The following DYRK1A variants were observed in gnomAD, a reference collection of about 807,000 sequenced individuals.
DYRK1A encodes the protein dual specificity tyrosine-phosphorylation-regulated kinase 1A.
Under a neutral mutation model 79.7 loss-of-function variants are expected in DYRK1A, and 9 were observed. The observed-to-expected ratio is 0.11, with a 90% CI of 0.07 to 0.20. The LOEUF (loss-of-function observed/expected upper bound fraction) is 0.20. Ranked by LOEUF, DYRK1A falls within the 10% of genes least tolerant of loss-of-function variation. DYRK1A has a pLI of 1.00. For synonymous variants in DYRK1A, 349 were observed against 329.7 expected (o/e 1.06, Z -0.63); for missense variants, 622 against 956.0 (o/e 0.65, Z 4.61).
chr21:37,432,445 T>C (rs1172240738), intron 2 of DYRK1A, among the ~76,000 whole-genome samples: 1 of 152,222 alleles, frequency 6.6e-6, no homozygotes, highest in East Asian at 1.9e-4. Context: ...TTATGAAAGA[T>C]GTCCAGCAAA....
chr21:37,500,038 G>T (rs1049186012), intron 9 of DYRK1A, among the ~76,000 whole-genome samples: 4 of 152,260 alleles, frequency 2.6e-5, no homozygotes, highest in Non-Finnish European at 5.9e-5. Flanking sequence ...AGCATATTTG[G>T]GGGGGTCCTG....
intron 1 of DYRK1A, among the ~76,000 whole-genome samples, chr21:37,385,543 T>C (rs2049743443): frequency 6.6e-6 from 1 of 152,214 alleles, no homozygotes; most frequent in Non-Finnish European, 1.5e-5. Context: ...GTCATAACCA[T>C]GGACATGCCA....
intron 2 of DYRK1A, among the ~76,000 whole-genome samples, chr21:37,448,175 C>A (rs1030019929): frequency 6.6e-6 from 1 of 152,100 alleles, no homozygotes; most frequent in Non-Finnish European, 1.5e-5. Flanking sequence ...AGAAGATTAA[C>A]GTGTAAAATA....
intron 1 of DYRK1A, among the ~76,000 whole-genome samples, chr21:37,374,088 T>C (rs1249992728): frequency 6.6e-6 from 1 of 152,196 alleles, no homozygotes; most frequent in African/African-American, 2.4e-5. Context: ...ATAACAGTTA[T>C]TTTACTGACG....
chr21:37,507,186 C>T (rs931568257), intron 11 of DYRK1A, among the ~76,000 whole-genome samples: 1 of 152,206 alleles, frequency 6.6e-6, no homozygotes, highest in Non-Finnish European at 1.5e-5. Flanking sequence ...TGTGCACTGT[C>T]CACTTCTCCT....
chr21:37,506,044 G>C (rs2053585360), intron 10 of DYRK1A, 55 bp from the exon 11 acceptor site: 1 of 1,561,438 alleles, frequency 6.4e-7, no homozygotes, highest in Non-Finnish European at 8.7e-7. Flanking sequence ...GTATAAATTT[G>C]AACAAAATGA....
chr21:37,412,740 A>G (rs1335205027), intron 1 of DYRK1A, among the ~76,000 whole-genome samples: 47 of 152,148 alleles, frequency 3.1e-4, no homozygotes, highest in Admixed American at 3.1e-3. Flanking sequence ...TACTGAAAGA[A>G]TGGTGGTGCG....
At chr21:37,473,932 A>C (rs778874014) in intron 3 of DYRK1A, among the ~76,000 whole-genome samples, 1 of 152,234 alleles carries the variant, frequency 6.6e-6, no homozygotes, top group Non-Finnish European at 1.5e-5. Context: ...ATTGTGTACC[A>C]GAAGAAAACT....
chr21:37,413,560 T>C (rs893321269), intron 1 of DYRK1A, among the ~76,000 whole-genome samples: 1 of 152,200 alleles, frequency 6.6e-6, no homozygotes, highest in East Asian at 1.9e-4. Context: ...ATTGAACATA[T>C]TCTTTCTAAA....
chr21:37,490,109 G>A, intron 6 of DYRK1A, 66 bp from the exon 7 acceptor site: 1 of 1,406,028 alleles, frequency 7.1e-7, no homozygotes, highest in Non-Finnish European at 9.8e-7. Context: ...ATTTGAGAGT[G>A]CATGTGTTTG....
rs934595041 is a variant in DYRK1A, at chr21:37,523,907, C to T, written c.*11376C>T. On this transcript the variant is annotated 3_prime_UTR_variant, in exon 12 of 12. Transcript: ENST00000647188. ...GTATGATGAGAATATGTGGCATTCT[C>T]ATCATTTTGCCCTGCCGCTCTGTGC... The T allele has an allele frequency of 6.6e-5, 10 of 152,190 alleles. No individual in the cohort carries two copies. Among genetic ancestry groups the T allele is most frequent in the African/African-American group, 2.2e-4 (9 of 41,454 alleles). The allele number at this position is 152,190 out of a possible 1,614,324, so 9.4% of individuals were successfully genotyped here. A position where few individuals can be genotyped will look rare whatever the true frequency, so the allele number is the denominator to read the frequency against.
At chr21:37,467,469 G>A (rs1000100833) in intron 2 of DYRK1A, among the ~76,000 whole-genome samples, 1 of 152,208 alleles carries the variant, frequency 6.6e-6, no homozygotes, top group Non-Finnish European at 1.5e-5. Context: ...GGGCTCAAGT[G>A]ATTTTCCCAC....
intron 11 of DYRK1A, among the ~76,000 whole-genome samples, chr21:37,507,206 T>C: frequency 6.6e-6 from 1 of 152,192 alleles, no homozygotes; most frequent in East Asian, 1.9e-4. Flanking sequence ...TCTACCCCTT[T>C]TTTGTTAGAA....
chr21:37,447,190 G>A (rs2051301177), intron 2 of DYRK1A, among the ~76,000 whole-genome samples: 1 of 151,988 alleles, frequency 6.6e-6, no homozygotes, highest in African/African-American at 2.4e-5. Flanking sequence ...TTTTCTCTGA[G>A]GGCCTTGTTT....
intron 1 of DYRK1A, among the ~76,000 whole-genome samples, chr21:37,386,225 T>C (rs765568564): frequency 1.1e-4 from 17 of 152,180 alleles, no homozygotes; most frequent in Non-Finnish European, 2.4e-4. Flanking sequence ...TATATTAATA[T>C]TAAAAGGTAA....
chr21:37,416,274 T>G (rs2050336112), intron 1 of DYRK1A, among the ~76,000 whole-genome samples: 1 of 151,738 alleles, frequency 6.6e-6, no homozygotes, highest in South Asian at 2.1e-4. Context: ...TACTAACCAT[T>G]TTGGTGCAAT....
intron 2 of DYRK1A, among the ~76,000 whole-genome samples, chr21:37,452,057 A>G (rs546283672): frequency 5.9e-5 from 9 of 152,202 alleles, no homozygotes; most frequent in African/African-American, 2.2e-4. Context: ...GATGGAGAGA[A>G]ATGGTGGGAA....
intron 1 of DYRK1A, among the ~76,000 whole-genome samples, chr21:37,370,019 C>G (rs1274983000): frequency 1.3e-5 from 2 of 152,106 alleles, no homozygotes; most frequent in Non-Finnish European, 2.9e-5. Flanking sequence ...TTTTTCCCCT[C>G]CAAAATATTG....
intron 11 of DYRK1A, among the ~76,000 whole-genome samples, chr21:37,509,303 T>G (rs1332444948): frequency 6.6e-6 from 1 of 152,268 alleles, no homozygotes; most frequent in Non-Finnish European, 1.5e-5. Context: ...ATCTTGGTTT[T>G]TCTAGTCTTG....
Sources: allele counts gnomAD v4.1 joint callset (sites outside exome capture counted in the v4.1 genomes callset), GRCh38; gene constraint gnomAD v4.1.1; transcripts MANE v1.5; gene names NCBI Gene and HGNC (gene_info 2026-07-23, HGNC 2026-07-21).